The following TBX15 variants were observed in gnomAD, a reference collection of about 807,000 sequenced individuals.
TBX15 encodes T-box transcription factor TBX15.
Under a neutral mutation model 53.9 loss-of-function variants are expected in TBX15, and 18 were observed. The observed-to-expected ratio is 0.33, with a 90% confidence interval of 0.23 to 0.49. TBX15 has a LOEUF of 0.49. TBX15 is among the 20% of genes least tolerant of loss of function. TBX15 has a pLI of 0.98. For missense variants in TBX15, 692 were observed against 749.5 expected (o/e 0.92, Z 0.90); for synonymous variants, 295 against 278.0 (o/e 1.06, Z -0.61).
At chr1:118,961,734 G>T (rs536567712) in intron 1 of TBX15, among the ~76,000 whole-genome samples, 37 of 152,288 alleles carry the variant, frequency 2.4e-4, no homozygotes, top group Admixed American at 5.2e-4. Context: ...CCCACTACAA[G>T]CTGAGTCACT....
intron 7 of TBX15, among the ~76,000 whole-genome samples, chr1:118,893,854 T>C (rs1654303667): frequency 6.6e-6 from 1 of 152,218 alleles, no homozygotes; most frequent in African/African-American, 2.4e-5. Flanking sequence ...TCAATCACTA[T>C]TTGAGTACTA....
chr1:118,954,435 G>T (rs910970185), intron 1 of TBX15, among the ~76,000 whole-genome samples: 1 of 152,190 alleles, frequency 6.6e-6, no homozygotes, highest in Non-Finnish European at 1.5e-5. Context: ...TTATCTTTAC[G>T]TGGAGGAATG....
chr1:118,906,486 C>T (rs1224225757), intron 6 of TBX15, among the ~76,000 whole-genome samples: 1 of 152,146 alleles, frequency 6.6e-6, no homozygotes, highest in African/African-American at 2.4e-5. Flanking sequence ...ATTCCACCTT[C>T]CATTGGGTGT....
At chr1:118,908,377 CAAA>C (rs66887595) in intron 6 of TBX15, among the ~76,000 whole-genome samples, 32 of 132,244 alleles carry the variant, frequency 2.4e-4, no homozygotes, top group Admixed American at 3.0e-4. Flanking sequence ...AGCACAAGAC[CAAA>C]AAAAAAAAAA....
intron 1 of TBX15, among the ~76,000 whole-genome samples, chr1:118,984,488 C>A (rs191809865): frequency 2.0e-5 from 3 of 152,340 alleles, no homozygotes; most frequent in African/African-American, 7.2e-5. Context: ...CGCCGCCGAG[C>A]GCCTGAAATA....
chr1:118,913,988 G>T, intron 6 of TBX15, 127 bp downstream of exon 6: 1 of 891,530 alleles, frequency 1.1e-6, no homozygotes, highest in Non-Finnish European at 1.8e-6. Context: ...ATTTCTCTTT[G>T]CCGAAGTGTA....
At chr1:118,979,841 C>A (rs1325618995) in intron 1 of TBX15, among the ~76,000 whole-genome samples, 3 of 152,150 alleles carry the variant, frequency 2.0e-5, no homozygotes, top group Non-Finnish European at 2.9e-5. Context: ...TGCGGCGAGG[C>A]GAGGCGAGGC....
chr1:118,975,214 A>G (rs1657383039), intron 1 of TBX15, among the ~76,000 whole-genome samples: 1 of 152,244 alleles, frequency 6.6e-6, no homozygotes, highest in Non-Finnish European at 1.5e-5. Flanking sequence ...AACGCAGGTC[A>G]TGTCGGGAAG....
At chr1:118,904,929 G>C (rs1176218803) in intron 6 of TBX15, among the ~76,000 whole-genome samples, 1 of 152,148 alleles carries the variant, frequency 6.6e-6, no homozygotes, top group East Asian at 1.9e-4. Context: ...TCATTTCTAA[G>C]TCTGCCTATC....
intron 5 of TBX15, among the ~76,000 whole-genome samples, chr1:118,914,979 T>C (rs1655151467): frequency 6.6e-6 from 1 of 152,124 alleles, no homozygotes; most frequent in Non-Finnish European, 1.5e-5. Context: ...AATGCATAAG[T>C]CCCCATCCAT....
rs1655782706 is a variant in TBX15, at chr1:118,931,625, G to A, written c.413C>T (p.Ala138Val). ...CAAAGGAATTTGTCCTTACCTGCCTGCTTTGGTGATGATCATTTCAGTTCC... is the reference window on the plus strand; with the variant it reads ...CAAAGGAATTTGTCCTTACCTGCCTACTTTGGTGATGATCATTTCAGTTCC... ...DIGTEMIITK[A>V]GRRMFPAMRV... The change falls in exon 2 of 8, where the codon GCA becomes GTA. Residue 138 changes from alanine (A) to valine (V), a missense_variant. Coordinates refer to ENST00000369429, the MANE Select transcript of TBX15 (RefSeq NM_001330677.2). 2 of 1,613,906 alleles carry A rather than the reference G, an allele frequency of 1.2e-6. No individual in the cohort carries two copies. The highest frequency in any genetic ancestry group is 2.2e-5 in the East Asian group (1 of 44,888).
chr1:118,892,935 A>C (rs1448132672), intron 7 of TBX15, among the ~76,000 whole-genome samples: 1 of 152,036 alleles, frequency 6.6e-6, no homozygotes, highest in Non-Finnish European at 1.5e-5. Context: ...TGTTATCTTC[A>C]CTTAAGAATT....
intron 1 of TBX15, among the ~76,000 whole-genome samples, chr1:118,946,249 T>G (rs1384416130): frequency 6.6e-6 from 1 of 152,096 alleles, no homozygotes; most frequent in African/African-American, 2.4e-5. Flanking sequence ...ATGAATATTT[T>G]TATAAAGAAA....
chr1:118,941,431 C>T (rs1367804475), intron 1 of TBX15, among the ~76,000 whole-genome samples: 1 of 152,174 alleles, frequency 6.6e-6, no homozygotes, highest in Non-Finnish European at 1.5e-5. Context: ...GTAGGATAAA[C>T]ATTTGAGCAC....
Position 118,961,683 on chromosome 1 carries a change from C to G in TBX15, c.205+25908G>C, listed in dbSNP as rs184858264. Among the ~76,000 whole-genome samples the G allele has an allele frequency of 1.5e-3, 227 of 152,310 alleles. 2 individuals are homozygous for G. The highest frequency in any genetic ancestry group is 2.8e-4 in the Non-Finnish European group (19 of 68,028). Reference sequence around the variant, plus strand: ...TTTGCTCAAAATTTCCTATCTAGTACTAGCAGAGCTGGGAGTATCATGTGT... The same window carrying G: ...TTTGCTCAAAATTTCCTATCTAGTAGTAGCAGAGCTGGGAGTATCATGTGT... On this transcript the variant is annotated intron_variant, in intron 1 of 7. Transcript: ENST00000369429.
intron 1 of TBX15, among the ~76,000 whole-genome samples, chr1:118,934,527 TTA>T (rs1243848277): frequency 1.2e-4 from 19 of 152,334 alleles, no homozygotes; most frequent in Non-Finnish European, 4.4e-5. Context: ...TTAGTGTTGA[TTA>T]ATTATGTGTT....
chr1:118,947,867 G>A (rs1398251441), intron 1 of TBX15, among the ~76,000 whole-genome samples: 1 of 152,104 alleles, frequency 6.6e-6, no homozygotes, highest in African/African-American at 2.4e-5. Flanking sequence ...ATTTACTCTT[G>A]CTGAGCAACT....
intron 1 of TBX15, among the ~76,000 whole-genome samples, chr1:118,983,710 G>C (rs1057060386): frequency 2.0e-5 from 3 of 152,192 alleles, no homozygotes; most frequent in Non-Finnish European, 2.9e-5. Context: ...ACCAGTGCAG[G>C]GGCGTGCACG....
At chr1:118,981,513 TAATATTAAAAGTATAAAATGAA>T (rs1359750205) in intron 1 of TBX15, among the ~76,000 whole-genome samples, 3 of 152,236 alleles carry the variant, frequency 2.0e-5, no homozygotes, top group Non-Finnish European at 4.4e-5. Flanking sequence ...AAACACTAGC[TAATATTAAAAGTATAAAATGAA>T]AAGTAGTCAT....
Sources: allele counts gnomAD v4.1 joint callset (sites outside exome capture counted in the v4.1 genomes callset), GRCh38; gene constraint gnomAD v4.1.1; transcripts MANE v1.5; gene names NCBI Gene and HGNC (gene_info 2026-07-23, HGNC 2026-07-21).